ROBO2: variants seen among roughly 807,000 people sequenced by gnomAD.
ROBO2 encodes roundabout guidance receptor 2.
ROBO2 carries 53 observed loss-of-function variants against 160.8 expected under a neutral mutation model. That is an observed-to-expected ratio of 0.33 (90% CI 0.26 to 0.41). The LOEUF is 0.41. Ranked by LOEUF, ROBO2 falls within the 10% of genes least tolerant of loss-of-function variation. The pLI, the probability that ROBO2 is intolerant of heterozygous loss-of-function variation, is 1.00. For synonymous variants in ROBO2, 664 were observed against 611.7 expected (o/e 1.09, Z -1.26); for missense variants, 1,577 against 1,722.4 (o/e 0.92, Z 1.49).
intron 6 of ROBO2, among the ~76,000 whole-genome samples, chr3:77,524,718 C>G (rs556944399): frequency 9.9e-5 from 15 of 151,388 alleles, no homozygotes; most frequent in Non-Finnish European, 1.8e-4. Flanking sequence ...TTTAACAAAG[C>G]ATGCTCCTCA....
chr3:77,531,618 A>G (rs1215593070), intron 6 of ROBO2, among the ~76,000 whole-genome samples: 1 of 152,048 alleles, frequency 6.6e-6, no homozygotes, highest in Non-Finnish European at 1.5e-5. Flanking sequence ...ATAATGTAAC[A>G]AATATTTTGA....
At chr3:77,096,759 A>G (rs2071126759) in intron 1 of ROBO2, among the ~76,000 whole-genome samples, 2 of 151,766 alleles carry the variant, frequency 1.3e-5, no homozygotes, top group South Asian at 4.2e-4. Flanking sequence ...CTCTCTTTCG[A>G]TTTCTTACGC....
At chr3:76,796,378 A>G (rs1312532825) in intron 2 of ROBO2, among the ~76,000 whole-genome samples, 1 of 151,870 alleles carries the variant, frequency 6.6e-6, no homozygotes, top group Non-Finnish European at 1.5e-5. Flanking sequence ...AAAGCAAGAA[A>G]TTAAAACATA....
At chr3:76,792,943 G>C (rs1389477767) in intron 2 of ROBO2, among the ~76,000 whole-genome samples, 1 of 151,672 alleles carries the variant, frequency 6.6e-6, no homozygotes, top group East Asian at 1.9e-4. Flanking sequence ...ATACTTAACT[G>C]TTTAAATTTT....
intron 2 of ROBO2, among the ~76,000 whole-genome samples, chr3:76,105,072 C>T (rs1422287393): frequency 1.3e-5 from 2 of 151,976 alleles, no homozygotes; most frequent in Non-Finnish European, 1.5e-5. Flanking sequence ...GGGTCATAAG[C>T]TCTCAGTATC....
intron 5 of ROBO2, among the ~76,000 whole-genome samples, chr3:77,519,794 A>G (rs2090402282): frequency 6.6e-6 from 1 of 151,272 alleles, no homozygotes; most frequent in African/African-American, 2.4e-5. Flanking sequence ...GGGTATATAC[A>G]CGGTAATTGG....
intron 2 of ROBO2, among the ~76,000 whole-genome samples, chr3:76,212,026 T>A (rs542708904): frequency 2.5e-4 from 38 of 152,040 alleles, no homozygotes; most frequent in Non-Finnish European, 4.7e-4. Context: ...AGAAATACAT[T>A]TATGCATTTC....
At chr3:76,008,420 G>A (rs2107600074) in intron 2 of ROBO2, among the ~76,000 whole-genome samples, 1 of 151,886 alleles carries the variant, frequency 6.6e-6, no homozygotes, top group South Asian at 2.1e-4. Context: ...AACTCCAAAG[G>A]GTAAGTATTA....
intron 2 of ROBO2, among the ~76,000 whole-genome samples, chr3:77,301,399 A>G (rs1287692917): frequency 1.3e-5 from 2 of 152,128 alleles, no homozygotes; most frequent in African/African-American, 4.8e-5. Context: ...TTTATGAAAC[A>G]ATGTACAGTG....
chr3:76,217,049 C>T (rs938615382), intron 2 of ROBO2, among the ~76,000 whole-genome samples: 36 of 152,236 alleles, frequency 2.4e-4, no homozygotes, highest in Admixed American at 5.9e-4. Context: ...ACAACCTGCT[C>T]CTGAATGACT....
intron 2 of ROBO2, among the ~76,000 whole-genome samples, chr3:77,116,707 G>A (rs1410318838): frequency 6.6e-6 from 1 of 152,206 alleles, no homozygotes; most frequent in Non-Finnish European, 1.5e-5. Context: ...GATGGATGCA[G>A]GTATTTTCTT....
At chr3:77,272,786 A>G (rs1273748727) in intron 2 of ROBO2, among the ~76,000 whole-genome samples, 6 of 152,156 alleles carry the variant, frequency 3.9e-5, no homozygotes, top group African/African-American at 1.4e-4. Flanking sequence ...CTGTTATTTG[A>G]GATATAAAAT....
At chr3:76,343,608 T>G (rs988972482) in intron 2 of ROBO2, among the ~76,000 whole-genome samples, 15 of 151,312 alleles carry the variant, frequency 9.9e-5, no homozygotes, top group Non-Finnish European at 1.9e-4. Flanking sequence ...TGCACCAACC[T>G]AATATAAATA....
intron 2 of ROBO2, among the ~76,000 whole-genome samples, chr3:76,621,000 C>T (rs551376984): frequency 3.9e-5 from 6 of 152,220 alleles, no homozygotes; most frequent in South Asian, 2.1e-4. Context: ...CTTATGTGCA[C>T]GGCTGACTCT....
chr3:77,259,249 C>G (rs2058624664), intron 2 of ROBO2, among the ~76,000 whole-genome samples: 1 of 152,134 alleles, frequency 6.6e-6, no homozygotes, highest in Non-Finnish European at 1.5e-5. Context: ...AGATGAGAAT[C>G]ATAAGATTCA....
At chr3:76,235,808 C>T (rs898031773) in intron 2 of ROBO2, among the ~76,000 whole-genome samples, 1 of 151,948 alleles carries the variant, frequency 6.6e-6, no homozygotes, top group Non-Finnish European at 1.5e-5. Context: ...AAAACAGGGG[C>T]ATTTTGGAAG....
upstream of ROBO2, among the ~76,000 whole-genome samples, chr3:77,038,562 T>A (rs1358343065): frequency 6.6e-6 from 1 of 152,078 alleles, no homozygotes; most frequent in Non-Finnish European, 1.5e-5. Context: ...CCTTTCCTAA[T>A]ATTTTCCAGT....
intron 2 of ROBO2, among the ~76,000 whole-genome samples, chr3:76,424,606 T>C (rs978123871): frequency 7.9e-5 from 12 of 152,232 alleles, no homozygotes; most frequent in African/African-American, 2.9e-4. Flanking sequence ...TTAGCAACAC[T>C]GTGTTATATA....
At chr3:77,009,945 TAAAA>T (rs11436984) in intron 2 of ROBO2, among the ~76,000 whole-genome samples, 15 of 104,486 alleles carry the variant, frequency 1.4e-4, no homozygotes, top group African/African-American at 5.2e-4. Flanking sequence ...GACTCTGTCT[TAAAA>T]AAAAAAAAAA....
Sources: gnomAD v4.1 joint callset for allele counts (sites outside exome capture counted in the v4.1 genomes callset) on GRCh38, gnomAD v4.1.1 for gene constraint, MANE v1.5 for transcripts, NCBI Gene and HGNC (gene_info 2026-07-23, HGNC 2026-07-21) for gene names.